Variants in CCBE1 observed in about 807,000 individuals in gnomAD.
The protein encoded by CCBE1 is collagen and calcium binding EGF domains 1.
In CCBE1, 37 loss-of-function variants were observed where a neutral mutation model predicts 50.0. The observed-to-expected ratio is 0.74, with a 90% CI of 0.57 to 0.97. CCBE1 has a LOEUF of 0.97. Among genes scored for constraint, CCBE1 ranks in the 50% least tolerant of loss-of-function variants. The probability of loss-of-function intolerance (pLI) is 0.00; values close to 1 mark genes in which losing one functional copy is unlikely to be tolerated. For missense variants in CCBE1, 538 were observed against 523.8 expected (o/e 1.03, Z -0.26); for synonymous variants, 234 against 203.7 (o/e 1.15, Z -1.27).
chr18:59,537,503 C>T (rs1915298812), intron 2 of CCBE1, among the ~76,000 whole-genome samples: 1 of 152,184 alleles, frequency 6.6e-6, no homozygotes, highest in Non-Finnish European at 1.5e-5. Context: ...GCTTGGCTCT[C>T]ATTTTCTTGT....
chr18:59,438,528 T>C (rs1370591370), intron 9 of CCBE1, among the ~76,000 whole-genome samples: 1 of 152,234 alleles, frequency 6.6e-6, no homozygotes, highest in East Asian at 1.9e-4. Flanking sequence ...GCATCTCCTG[T>C]TCCTGAGAAA....
intron 2 of CCBE1, among the ~76,000 whole-genome samples, chr18:59,605,192 A>G (rs8093702): frequency 0.41 from 61,996 of 152,114 alleles, 13,000 homozygotes; most frequent in East Asian, 0.65. Context: ...TGGAGAAGGA[A>G]GGAGTCTGGC....
intron 2 of CCBE1, among the ~76,000 whole-genome samples, chr18:59,557,136 G>A (rs1342004667): frequency 6.6e-6 from 1 of 152,194 alleles, no homozygotes; most frequent in Admixed American, 6.5e-5. Flanking sequence ...GCCAGCATGT[G>A]AAGCTCCCAG....
chr18:59,548,037 C>T (rs988098913), intron 2 of CCBE1, among the ~76,000 whole-genome samples: 4 of 152,172 alleles, frequency 2.6e-5, no homozygotes, highest in African/African-American at 9.7e-5. Flanking sequence ...CTTTAAAGAA[C>T]CGAAAATGTG....
intron 2 of CCBE1, among the ~76,000 whole-genome samples, chr18:59,623,239 C>G (rs1312200217): frequency 6.6e-6 from 1 of 152,142 alleles, no homozygotes; most frequent in Non-Finnish European, 1.5e-5. Flanking sequence ...AGACAAGCTC[C>G]CTGATTTCAC....
chr18:59,504,383 CCTTTTTT>C (rs1234632924), intron 2 of CCBE1, among the ~76,000 whole-genome samples: 2 of 95,232 alleles, frequency 2.1e-5, no homozygotes, highest in East Asian at 1.0e-3. Context: ...AGAATGTCTT[CCTTTTTT>C]TTTTTTTTTT....
chr18:59,562,644 A>C (rs1028929421), intron 2 of CCBE1, among the ~76,000 whole-genome samples: 7 of 152,206 alleles, frequency 4.6e-5, no homozygotes, highest in African/African-American at 1.7e-4. Flanking sequence ...CCATCCACAC[A>C]GTACACTTTT....
At position 59,454,961 on chromosome 18, in the gene CCBE1, G is replaced by A. The variant is rs571088219; in HGVS notation, c.554-10C>T. On this transcript the variant is annotated splice_polypyrimidine_tract_variant and intron_variant, in intron 5 of 10. Transcript: ENST00000439986. ...TCAGACTTCTCATGGCCTGAGAAAG[G>A]AGATAGGCTCAGTCCTGTCTGGGAG... 1 of 1,608,814 alleles carries A rather than the reference G, an allele frequency of 6.2e-7. No homozygotes were observed. The highest frequency in any genetic ancestry group is 1.3e-5 in the African/African-American group (1 of 74,960).
At chr18:59,613,630 T>A (rs925224233) in intron 2 of CCBE1, among the ~76,000 whole-genome samples, 5 of 152,122 alleles carry the variant, frequency 3.3e-5, no homozygotes, top group Admixed American at 1.3e-4. Flanking sequence ...CCAGGCACAG[T>A]GGCTCACGCC....
intron 2 of CCBE1, among the ~76,000 whole-genome samples, chr18:59,514,344 G>T (rs934391334): frequency 2.6e-5 from 4 of 151,870 alleles, no homozygotes; most frequent in Non-Finnish European, 5.9e-5. Flanking sequence ...CCCTGACACG[G>T]CTCCTCCATC....
At chr18:59,585,587 G>A (rs1383136813) in intron 2 of CCBE1, among the ~76,000 whole-genome samples, 1 of 152,182 alleles carries the variant, frequency 6.6e-6, no homozygotes, top group African/African-American at 2.4e-5. Flanking sequence ...CCAGTCAGAG[G>A]TGGAAAAGTG....
At chr18:59,691,634 G>A (rs2054734745) in intron 2 of CCBE1, among the ~76,000 whole-genome samples, 1 of 152,174 alleles carries the variant, frequency 6.6e-6, no homozygotes, top group Non-Finnish European at 1.5e-5. Flanking sequence ...TCAAACTCCT[G>A]ACCTCGTGAT....
At chr18:59,457,066 T>C (rs1393477637) in intron 5 of CCBE1, among the ~76,000 whole-genome samples, 4 of 152,222 alleles carry the variant, frequency 2.6e-5, no homozygotes, top group Non-Finnish European at 5.9e-5. Context: ...CATAGCTCTT[T>C]AGGCAGGTTT....
intron 2 of CCBE1, among the ~76,000 whole-genome samples, chr18:59,506,597 C>G (rs1201939113): frequency 6.6e-6 from 1 of 152,178 alleles, no homozygotes; most frequent in African/African-American, 2.4e-5. Context: ...AAAAATGGAG[C>G]CTGATATACC....
At chr18:59,592,471 A>G (rs1441996330) in intron 2 of CCBE1, among the ~76,000 whole-genome samples, 1 of 152,206 alleles carries the variant, frequency 6.6e-6, no homozygotes, top group African/African-American at 2.4e-5. Context: ...GCATATCAAC[A>G]TAACACAATA....
At position 59,517,266 on chromosome 18, in the gene CCBE1, C is replaced by T. The variant is rs577894017; in HGVS notation, c.213-37028G>A. 1.4e-3 allele frequency among the ~76,000 whole-genome samples: 211 copies of T among 152,280 alleles called. 1 individual carries two copies. Among genetic ancestry groups the T allele is most frequent in the African/African-American group, 4.5e-3 (189 of 41,550 alleles). On this transcript the variant is annotated intron_variant, in intron 2 of 10. Transcript: ENST00000439986. The stretch of plus-strand genomic sequence containing the variant: ...ATCAAACTGGCTTTTATTGATTCAC[C>T]CATGAACAAGTTGTGCCTTTACACT...
chr18:59,451,140 T>C (rs1233206593), intron 6 of CCBE1, among the ~76,000 whole-genome samples: 3 of 152,168 alleles, frequency 2.0e-5, no homozygotes, highest in African/African-American at 7.2e-5. Context: ...GTGTTTTGTA[T>C]TTCCCCATTT....
At chr18:59,679,776 G>A (rs1400492395) in intron 2 of CCBE1, among the ~76,000 whole-genome samples, 1 of 152,190 alleles carries the variant, frequency 6.6e-6, no homozygotes, top group Non-Finnish European at 1.5e-5. Flanking sequence ...ATGTGCCTAA[G>A]GTGGCCAGAG....
At position 59,542,678 on chromosome 18, in the gene CCBE1, T is replaced by C. The variant is rs532840304; in HGVS notation, c.213-62440A>G. Among the ~76,000 whole-genome samples, 3 of 152,314 alleles carry C rather than the reference T, an allele frequency of 2.0e-5. No homozygotes were observed. The East Asian group carries it at 5.8e-4, about 29-fold the overall frequency. The stretch of plus-strand genomic sequence containing the variant: ...TGGGAAACTAGTACCACTGCTAAAA[T>C]GTGCCTGGCCAAGAGTCCAAGAAAG... On this transcript the variant is annotated intron_variant, in intron 2 of 10. Transcript: ENST00000439986.
Sources: allele counts gnomAD v4.1 joint callset (sites outside exome capture counted in the v4.1 genomes callset), GRCh38; gene constraint gnomAD v4.1.1; transcripts MANE v1.5; gene names NCBI Gene and HGNC (gene_info 2026-07-23, HGNC 2026-07-21).